The following KAT6B variants were observed in gnomAD, a reference collection of about 807,000 sequenced individuals.
KAT6B encodes the protein lysine acetyltransferase 6B.
KAT6B carries 10 observed loss-of-function variants against 187.5 expected under a neutral mutation model. The ratio of observed to expected loss-of-function variants is 0.05; its 90% CI spans 0.03 to 0.09. The LOEUF (loss-of-function observed/expected upper bound fraction) is 0.09. Among genes scored for constraint, KAT6B ranks in the 10% least tolerant of loss-of-function variants. KAT6B has a pLI of 1.00. For synonymous variants in KAT6B, 861 were observed against 926.8 expected (o/e 0.93, Z 1.29); for missense variants, 1,952 against 2,558.9 (o/e 0.76, Z 5.12).
At position 75,030,028 on chromosome 10, in the gene KAT6B, T is replaced by C. The variant is rs758028232; in HGVS notation, c.5204T>C (p.Leu1735Pro). The C allele has an allele frequency of 2.5e-6, 4 of 1,614,082 alleles. No homozygotes were observed. Among genetic ancestry groups the C allele is most frequent in the Non-Finnish European group, 3.4e-6 (4 of 1,180,054 alleles). The part of the protein sequence containing the change: ...MSNISGSCSM[L>P]QQTSISSPPT... ...AACATCAGCGGGAGCTGCAGCATGCTGCAGCAAACCAGCATCAGCTCCCCT... is the reference window on the plus strand; with the variant it reads ...AACATCAGCGGGAGCTGCAGCATGCCGCAGCAAACCAGCATCAGCTCCCCT... Residue 1735 changes from leucine to proline, a missense_variant, in exon 18 of 18, where the codon CTG becomes CCG. Coordinates refer to ENST00000287239, the MANE Select transcript of KAT6B (RefSeq NM_012330.4). This position sits in a 1 kb window ranked among gnomAD's most constrained non-coding sequence, Gnocchi z 4.8.
intron 1 of KAT6B, among the ~76,000 whole-genome samples, chr10:74,830,239 A>G (rs2131924611): frequency 6.6e-6 from 1 of 152,024 alleles, no homozygotes; most frequent in East Asian, 1.9e-4. Flanking sequence ...CTTCTCGCAG[A>G]CCCCAGAAAG....
chr10:74,949,898 G>A (rs1267846452), intron 3 of KAT6B, among the ~76,000 whole-genome samples: 2 of 152,094 alleles, frequency 1.3e-5, no homozygotes, highest in Non-Finnish European at 2.9e-5. Flanking sequence ...CTTAAAATAT[G>A]GAGAACCCTC....
At chr10:74,828,355 T>C (rs991245656) in intron 1 of KAT6B, among the ~76,000 whole-genome samples, 1 of 152,154 alleles carries the variant, frequency 6.6e-6, no homozygotes, top group Middle Eastern at 3.4e-3. Context: ...GGGTAGAGCA[T>C]ATGAGGGCCC....
intron 3 of KAT6B, among the ~76,000 whole-genome samples, chr10:74,891,395 T>C (rs992067559): frequency 6.6e-6 from 1 of 152,180 alleles, no homozygotes; most frequent in Non-Finnish European, 1.5e-5. Context: ...AACTCTTGAG[T>C]TTTCTGCCAC....
chr10:74,954,059 G>A lies in KAT6B; in HGVS notation c.622-5911G>A, dbSNP rs186258928. ...GTCCTTAGAGATTAACTCTAGAACC[G>A]TTAAAATATTTGATCTGGAAGGAAC... On this transcript the variant is annotated intron_variant, in intron 3 of 17. Transcript: ENST00000287239. Among the ~76,000 whole-genome samples the A allele has an allele frequency of 5.9e-5, 9 of 152,234 alleles. No individual in the cohort carries two copies. In the South Asian group the frequency reaches 6.2e-4, roughly 11 times the overall value.
At chr10:74,924,356 T>A (rs1198713179) in intron 3 of KAT6B, among the ~76,000 whole-genome samples, 1 of 152,108 alleles carries the variant, frequency 6.6e-6, no homozygotes, top group Non-Finnish European at 1.5e-5. Context: ...TAAAAAAAAA[T>A]TCCTTCATAA....
chr10:74,847,706 A>G (rs984198064), intron 3 of KAT6B, among the ~76,000 whole-genome samples: 2 of 152,076 alleles, frequency 1.3e-5, no homozygotes, highest in African/African-American at 4.8e-5. Context: ...TTTCCTTAAA[A>G]AATGTGAGAA....
intron 15 of KAT6B, 111 bp from the exon 16 acceptor site, chr10:75,021,770 G>A (rs1845422292): frequency 1.9e-6 from 2 of 1,078,824 alleles, no homozygotes; most frequent in Admixed American, 1.9e-5. Context: ...TGCTTGGCTG[G>A]CTGGCTGTCC....
intron 13 of KAT6B, among the ~76,000 whole-genome samples, chr10:75,017,942 A>C (rs543979011): frequency 5.3e-5 from 8 of 152,340 alleles, no homozygotes; most frequent in Admixed American, 1.3e-4. Flanking sequence ...TGGACTTCCA[A>C]ATGGCTCCTG....
At chr10:74,937,444 T>G (rs1456854081) in intron 3 of KAT6B, among the ~76,000 whole-genome samples, 1 of 152,236 alleles carries the variant, frequency 6.6e-6, no homozygotes, top group African/African-American at 2.4e-5. Flanking sequence ...ATTTAAAATC[T>G]TCTTGACCTT....
chr10:74,899,836 A>C (rs1210734782), intron 3 of KAT6B, among the ~76,000 whole-genome samples: 2 of 152,208 alleles, frequency 1.3e-5, no homozygotes, highest in Non-Finnish European at 2.9e-5. Flanking sequence ...ATCCTAGTCT[A>C]TATTGAACTA....
At chr10:74,837,380 T>G (rs1245574017) in intron 1 of KAT6B, among the ~76,000 whole-genome samples, 1 of 152,184 alleles carries the variant, frequency 6.6e-6, no homozygotes, top group Non-Finnish European at 1.5e-5. Context: ...CAGAATTAAT[T>G]TAGGATGATT....
In KAT6B at chr10:74,937,466, A is replaced by G. The variant is rs1406285818; in HGVS notation, c.622-22504A>G. Among the ~76,000 whole-genome samples, 5 of 152,328 alleles carry G rather than the reference A, an allele frequency of 3.3e-5. No individual in the cohort carries two copies. In the South Asian group the frequency reaches 8.3e-4, roughly 25 times the overall value. ...ATCTTCTTGACCTTGACCTAAACTG[A>G]TAAGTTATAATGATCTATTTATTTA... On this transcript the variant is annotated intron_variant, in intron 3 of 17. Transcript: ENST00000287239.
chr10:75,025,457 C>A, intron 17 of KAT6B: 1 of 546,640 alleles, frequency 1.8e-6, no homozygotes, highest in Non-Finnish European at 3.3e-6. Flanking sequence ...ACTTCTAAGG[C>A]CAGAACATTC....
chr10:74,850,331 A>AGG (rs1842398319), intron 3 of KAT6B, among the ~76,000 whole-genome samples: 1 of 152,236 alleles, frequency 6.6e-6, no homozygotes, highest in Non-Finnish European at 1.5e-5. Flanking sequence ...TTTAAAGTAG[A>AGG]TACTATTTAT....
chr10:74,839,260 C>T (rs1405393498), intron 2 of KAT6B, among the ~76,000 whole-genome samples: 8 of 139,840 alleles, frequency 5.7e-5, no homozygotes, highest in Non-Finnish European at 9.3e-5. Context: ...GATGGAGTTT[C>T]GCTCTTGTTG....
intron 3 of KAT6B, among the ~76,000 whole-genome samples, chr10:74,920,384 A>T (rs1001040618): frequency 2.6e-5 from 4 of 152,132 alleles, no homozygotes; most frequent in Admixed American, 2.0e-4. Flanking sequence ...GGATTGGTAA[A>T]TATAACCCCA....
rs765749249 is a variant in KAT6B at position 74,842,718 on chromosome 10, T to G, written c.-140T>G. 4.7e-5 allele frequency: 43 copies of G among 918,090 alleles called. No individual in the cohort carries two copies. The highest frequency in any genetic ancestry group is 7.2e-5 in the Non-Finnish European group (41 of 572,508). The allele number at this position is 918,090 out of a possible 1,614,324, so 56.9% of individuals were successfully genotyped here. ...TTTTGAATCTCTTAAGGATGGATGT[T>G]TGTAAGATGTTGCTTAATACAGTCT... On this transcript the variant is annotated 5_prime_UTR_variant, in exon 3 of 18. Coordinates refer to ENST00000287239, the MANE Select transcript of KAT6B (RefSeq NM_012330.4).
intron 3 of KAT6B, among the ~76,000 whole-genome samples, chr10:74,959,346 T>G (rs1840928523): frequency 6.6e-6 from 1 of 152,210 alleles, no homozygotes; most frequent in African/African-American, 2.4e-5. Flanking sequence ...AACGAATAAT[T>G]TATTTTAAGC....
Sources: allele counts gnomAD v4.1 joint callset (sites outside exome capture counted in the v4.1 genomes callset), GRCh38; gene constraint gnomAD v4.1.1; non-coding constraint Gnocchi (gnomAD v3.1); transcripts MANE v1.5; gene names NCBI Gene and HGNC (gene_info 2026-07-23, HGNC 2026-07-21).